MACROD1: variants seen among roughly 807,000 people sequenced by gnomAD.
The protein encoded by MACROD1 is mono-ADP ribosylhydrolase 1.
A neutral mutation model predicts 41.4 loss-of-function variants in MACROD1; 31 were observed. The ratio of observed to expected loss-of-function variants is 0.75; its 90% CI spans 0.56 to 1.01. MACROD1 has a LOEUF of 1.01. MACROD1 is among the 50% of genes least tolerant of loss of function. MACROD1 has a pLI of 0.00. For synonymous variants in MACROD1, 252 were observed against 203.4 expected, an observed-to-expected ratio of 1.24 and a Z score of -2.03; for missense variants, 473 against 460.0, an observed-to-expected ratio of 1.03 and a Z score of -0.26.
intron 3 of MACROD1, among the ~76,000 whole-genome samples, chr11:64,038,409 C>G (rs1943423995): frequency 6.6e-6 from 1 of 152,208 alleles, no homozygotes; most frequent in Non-Finnish European, 1.5e-5. Context: ...CACACATGAG[C>G]AGGTGGCATC....
At chr11:64,156,108 CAA>C (rs781677528) in intron 1 of MACROD1, among the ~76,000 whole-genome samples, 6 of 56,920 alleles carry the variant, frequency 1.1e-4, no homozygotes, top group Admixed American at 1.8e-4. Flanking sequence ...AACTCCATCT[CAA>C]AAAAAAAAAA....
rs1835043035 is a variant in MACROD1 at position 64,120,511 on chromosome 11, A to T, written c.517+30728T>A. Among the ~76,000 whole-genome samples the T allele has an allele frequency of 6.6e-6, 1 of 152,090 alleles. No homozygotes were observed. Among genetic ancestry groups the T allele is most frequent in the South Asian group, 2.1e-4 (1 of 4,834 alleles). On this transcript the variant is annotated intron_variant, in intron 3 of 10. Transcript: ENST00000255681. This position sits in a 1 kb window ranked among gnomAD's most constrained non-coding sequence, Gnocchi z 4.5. ...AGACCAGCCTGGCCAACATGGTGAA[A>T]GTCCGTCTCTCTAAAAATGCAAAAA...
intron 3 of MACROD1, among the ~76,000 whole-genome samples, chr11:64,073,652 G>A (rs536945018): frequency 5.9e-5 from 9 of 152,360 alleles, no homozygotes; most frequent in African/African-American, 1.7e-4. Flanking sequence ...CGTCTGGGCC[G>A]GGAGCCTGTG....
At chr11:64,069,056 T>G (rs1048244810) in intron 3 of MACROD1, among the ~76,000 whole-genome samples, 18 of 138,340 alleles carry the variant, frequency 1.3e-4, no homozygotes, top group Admixed American at 1.4e-4. Flanking sequence ...CAGTGGCAGG[T>G]GGGGGTGGGG....
At chr11:64,109,182 T>C (rs1944816868) in intron 3 of MACROD1, among the ~76,000 whole-genome samples, 1 of 151,918 alleles carries the variant, frequency 6.6e-6, no homozygotes, top group Admixed American at 6.5e-5. Flanking sequence ...TTCCAGAAGC[T>C]CCTGGGACAT....
chr11:64,126,803 G>T (rs1020061216), intron 3 of MACROD1: 3 of 152,344 alleles, frequency 2.0e-5, no homozygotes, highest in African/African-American at 7.2e-5. Context: ...TGATGTCCAA[G>T]GGGCCCCTGT....
intron 5 of MACROD1, 64 bp downstream of exon 5, chr11:64,000,163 A>T: frequency 7.5e-7 from 1 of 1,337,310 alleles, no homozygotes; most frequent in South Asian, 1.2e-5. Flanking sequence ...CGCACCCCTG[A>T]TGTCCCAGTG....
intron 3 of MACROD1, among the ~76,000 whole-genome samples, chr11:64,140,114 C>T (rs1041296953): frequency 5.3e-5 from 8 of 152,198 alleles, no homozygotes; most frequent in African/African-American, 1.9e-4. Context: ...CCCTGAAGGC[C>T]TTCAGGGGTC....
chr11:64,061,813 GC>G (rs376109111), intron 3 of MACROD1, among the ~76,000 whole-genome samples: 13 of 148,660 alleles, frequency 8.7e-5, no homozygotes, highest in African/African-American at 2.7e-4. Context: ...CATCCTTCAA[GC>G]CATCCTCCCA....
At chr11:64,152,584 G>A (rs1010343424) in intron 1 of MACROD1, among the ~76,000 whole-genome samples, 191 bp from the exon 2 acceptor site, 1 of 152,216 alleles carries the variant, frequency 6.6e-6, no homozygotes, top group Non-Finnish European at 1.5e-5. Context: ...TGCTCTCTTT[G>A]TTCAGGGAGG....
chr11:64,116,230 C>G (rs1328320827), intron 3 of MACROD1: 1 of 1,569,310 alleles, frequency 6.4e-7, no homozygotes, highest in Admixed American at 1.7e-5. Context: ...TATTCAGGCT[C>G]CAGGCCAGGT....
At position 64,165,808 on chromosome 11, in the gene MACROD1, C is replaced by A. The variant is rs1590989477; in HGVS notation, c.187G>T (p.Ala63Ser). 3 of 1,489,712 alleles carry A rather than the reference C, an allele frequency of 2.0e-6. No individual in the cohort carries two copies. The Admixed American group carries it at 7.4e-5, about 37-fold the overall frequency. 92.3% of individuals were successfully genotyped at this position (1,489,712 alleles called of 1,614,324 possible). Residue 63 changes from alanine to serine, a missense_variant, in exon 1 of 11, where the codon GCG (alanine) becomes TCG (serine). Transcript: ENST00000255681. Reference protein sequence around the residue: ...RRARTSAGVGAWGAAAVGRTA... With the variant: ...RRARTSAGVGSWGAAAVGRTA... ...CGCCCCACCGCCGCCGCCCCCCACGCCCCAACTCCCGCCGAGGTCCGCGCA... is the reference window on the plus strand; with the variant it reads ...CGCCCCACCGCCGCCGCCCCCCACGACCCAACTCCCGCCGAGGTCCGCGCA...
intron 1 of MACROD1, among the ~76,000 whole-genome samples, chr11:64,152,866 G>A (rs1396118040): frequency 1.3e-5 from 2 of 152,228 alleles, no homozygotes; most frequent in Non-Finnish European, 2.9e-5. Flanking sequence ...CTGCATGCAG[G>A]CAGCGGGACA....
chr11:64,025,743 T>C (rs1475022646), intron 3 of MACROD1, among the ~76,000 whole-genome samples: 6 of 141,788 alleles, frequency 4.2e-5, no homozygotes, highest in African/African-American at 1.3e-4. Context: ...TTTCAGACGG[T>C]CTCGCTCTGT....
chr11:64,118,243 G>A lies in MACROD1; in HGVS notation c.517+32996C>T, dbSNP rs757351313. On this transcript the variant is annotated intron_variant, in intron 3 of 10. Transcript: ENST00000255681. ...CACACCATTGGCTACGGCACCACGC[G>A]GGGCTACCGGGACGGCGGCATCCCC... 8.1e-6 allele frequency: 13 copies of A among 1,605,226 alleles called. No homozygotes were observed. Among genetic ancestry groups the A allele is most frequent in the East Asian group, 2.2e-5 (1 of 44,702 alleles).
At chr11:63,999,129 G>C in intron 8 of MACROD1, 93 bp from the exon 9 acceptor site, 1 of 1,366,678 alleles carries the variant, frequency 7.3e-7, no homozygotes, top group Non-Finnish European at 9.9e-7. Flanking sequence ...TCACCTGCCT[G>C]GCCCTGCGCC....
intron 3 of MACROD1, among the ~76,000 whole-genome samples, chr11:64,135,080 T>C (rs559005017): frequency 6.6e-6 from 1 of 152,242 alleles, no homozygotes; most frequent in Non-Finnish European, 1.5e-5. Flanking sequence ...GCATCCTGAC[T>C]GGTAAAACCC....
At chr11:64,025,781 G>A (rs1943217114) in intron 3 of MACROD1, among the ~76,000 whole-genome samples, 1 of 149,286 alleles carries the variant, frequency 6.7e-6, no homozygotes, top group South Asian at 2.2e-4. Context: ...GTGCAATGGT[G>A]GGATCATAGC....
intron 3 of MACROD1, among the ~76,000 whole-genome samples, chr11:64,145,613 C>T (rs1392193713): frequency 1.3e-5 from 2 of 152,210 alleles, no homozygotes; most frequent in East Asian, 1.9e-4. Flanking sequence ...GGCCACGGTG[C>T]GCACAGCCCA....
Sources: allele counts gnomAD v4.1 joint callset (sites outside exome capture counted in the v4.1 genomes callset), GRCh38; gene constraint gnomAD v4.1.1; non-coding constraint Gnocchi (gnomAD v3.1); transcripts MANE v1.5; gene names NCBI Gene and HGNC (gene_info 2026-07-23, HGNC 2026-07-21).